The following TMPRSS11D variants were observed in gnomAD, a reference collection of about 807,000 sequenced individuals.
The protein encoded by TMPRSS11D is transmembrane serine protease 11D, also known as transmembrane protease serine 11D.
TMPRSS11D carries 32 observed loss-of-function variants against 44.4 expected under a neutral mutation model. The ratio of observed to expected loss-of-function variants is 0.72; its 90% CI spans 0.54 to 0.97. TMPRSS11D has a LOEUF of 0.97. Among genes scored for constraint, TMPRSS11D ranks in the 50% least tolerant of loss-of-function variants. The probability of loss-of-function intolerance (pLI) is 0.00; values close to 1 mark genes in which losing one functional copy is unlikely to be tolerated. For synonymous variants in TMPRSS11D, 179 were observed against 177.9 expected (o/e 1.01, Z -0.05); for missense variants, 446 against 502.6 (o/e 0.89, Z 1.08).
In TMPRSS11D at chr4:67,829,563, A is replaced by G. The variant is rs372036306; in HGVS notation, c.693-2043T>C. 2.0e-5 allele frequency among the ~76,000 whole-genome samples: 3 copies of G among 152,156 alleles called. No homozygotes were observed. The East Asian group carries it at 5.8e-4, about 29-fold the overall frequency. Reference sequence around the variant, plus strand: ...ATGAATTCTATTAAATCAAAATTAGATATACCATAGACAAGTTTACCAGAT... The same window carrying G: ...ATGAATTCTATTAAATCAAAATTAGGTATACCATAGACAAGTTTACCAGAT... On this transcript the variant is annotated intron_variant, in intron 7 of 9. Coordinates refer to ENST00000283916, the MANE Select transcript of TMPRSS11D (RefSeq NM_004262.3).
chr4:67,831,760 T>C (rs1577805478), intron 7 of TMPRSS11D, among the ~76,000 whole-genome samples: 1 of 152,152 alleles, frequency 6.6e-6, no homozygotes, highest in East Asian at 1.9e-4. Flanking sequence ...TAGTAATAAA[T>C]TTGCCAATCT....
At chr4:67,831,367 T>A (rs1375295197) in intron 7 of TMPRSS11D, among the ~76,000 whole-genome samples, 1 of 151,888 alleles carries the variant, frequency 6.6e-6, no homozygotes, top group Non-Finnish European at 1.5e-5. Context: ...TAGGGAGGGG[T>A]CCAATACAAG....
chr4:67,851,893 G>T (rs149829608), intron 3 of TMPRSS11D, among the ~76,000 whole-genome samples: 1 of 152,060 alleles, frequency 6.6e-6, no homozygotes, highest in Admixed American at 6.6e-5. Context: ...CACTTCTGGC[G>T]CCTGGTGTAT....
intron 3 of TMPRSS11D, among the ~76,000 whole-genome samples, chr4:67,852,813 C>T (rs753910650): frequency 1.3e-5 from 2 of 152,056 alleles, no homozygotes; most frequent in Non-Finnish European, 2.9e-5. Flanking sequence ...AGCATCAACC[C>T]GACCAAATGT....
At chr4:67,838,353 A>G (rs1718152469) in intron 4 of TMPRSS11D, 24 bp from the exon 5 acceptor site, 2 of 1,513,252 alleles carry the variant, frequency 1.3e-6, no homozygotes, top group African/African-American at 1.4e-5. Context: ...AGATATTTTA[A>G]AAAACAAATA....
At chr4:67,877,160 T>A (rs530257850) in intron 1 of TMPRSS11D, among the ~76,000 whole-genome samples, 8 of 151,918 alleles carry the variant, frequency 5.3e-5, no homozygotes, top group South Asian at 2.1e-4. Flanking sequence ...TTAAAAAAAT[T>A]TTTTTTTAAA....
Position 67,833,330 on chromosome 4 carries a change from C to T in TMPRSS11D, c.566G>A (p.Gly189Glu). ...LITLSEQRIL[G>E]GTEAEEGSWP... ...GCTTCCCTCCTCAGCCTCAGTGCCTCCAAGGATTCTCTGCTCAGACAATGT... is the reference window on the plus strand; with the variant it reads ...GCTTCCCTCCTCAGCCTCAGTGCCTTCAAGGATTCTCTGCTCAGACAATGT... Residue 189 changes from glycine (G) to glutamate (E), a missense_variant, in exon 7 of 10, where the codon GGA becomes GAA. Transcript: ENST00000283916. 1 of 1,590,852 alleles carries T rather than the reference C, an allele frequency of 6.3e-7. No homozygotes were observed. The highest frequency in any genetic ancestry group is 8.6e-7 in the Non-Finnish European group (1 of 1,169,118).
intron 1 of TMPRSS11D, among the ~76,000 whole-genome samples, chr4:67,878,177 A>G (rs539404256): frequency 6.6e-6 from 1 of 152,340 alleles, no homozygotes; most frequent in South Asian, 2.1e-4. Context: ...GTTTCTGCTT[A>G]AACAATGCTT....
At chr4:67,875,382 A>G (rs1417938890) in intron 1 of TMPRSS11D, among the ~76,000 whole-genome samples, 1 of 152,170 alleles carries the variant, frequency 6.6e-6, no homozygotes. Flanking sequence ...AAGTTTCTTC[A>G]TCACCTTCAC....
At chr4:67,875,417 T>G (rs1165690607) in intron 1 of TMPRSS11D, among the ~76,000 whole-genome samples, 2 of 152,176 alleles carry the variant, frequency 1.3e-5, no homozygotes, top group Admixed American at 1.3e-4. Flanking sequence ...CCTCCCTTCT[T>G]AACAAGAAGG....
intron 3 of TMPRSS11D, among the ~76,000 whole-genome samples, chr4:67,852,526 G>A (rs1403656642): frequency 6.6e-6 from 1 of 152,160 alleles, no homozygotes; most frequent in Non-Finnish European, 1.5e-5. Context: ...CATCACAGCT[G>A]GAGGACTGAA....
chr4:67,860,676 A>G (rs1718773565), intron 1 of TMPRSS11D, among the ~76,000 whole-genome samples: 1 of 152,180 alleles, frequency 6.6e-6, no homozygotes, highest in South Asian at 2.1e-4. Context: ...ATAAATATTT[A>G]TCGCCTGTGT....
intron 1 of TMPRSS11D, among the ~76,000 whole-genome samples, chr4:67,874,028 A>G (rs964659659): frequency 1.6e-4 from 24 of 152,200 alleles, no homozygotes; most frequent in African/African-American, 4.8e-5. Flanking sequence ...CATATGACTT[A>G]TACACATTTT....
chr4:67,871,279 G>C (rs566032250), intron 1 of TMPRSS11D, among the ~76,000 whole-genome samples: 7 of 152,292 alleles, frequency 4.6e-5, no homozygotes, highest in Non-Finnish European at 7.4e-5. Flanking sequence ...TCAGAGCTGT[G>C]ATACAGCTCT....
intron 1 of TMPRSS11D, among the ~76,000 whole-genome samples, chr4:67,866,613 G>A (rs189232436): frequency 6.6e-6 from 1 of 152,004 alleles, no homozygotes; most frequent in East Asian, 1.9e-4. Context: ...AAGACTCCTA[G>A]ATTTGATAAA....
intron 2 of TMPRSS11D, 28 bp downstream of exon 2, chr4:67,859,529 T>C: frequency 6.2e-7 from 1 of 1,605,562 alleles, no homozygotes; most frequent in South Asian, 1.1e-5. Context: ...CTATTAAATC[T>C]GAAGAGTAAT....
chr4:67,862,284 G>A (rs1251778682), intron 1 of TMPRSS11D, among the ~76,000 whole-genome samples: 1 of 152,068 alleles, frequency 6.6e-6, no homozygotes, highest in Non-Finnish European at 1.5e-5. Context: ...TTAAATATAG[G>A]AAAGGTGAGA....
chr4:67,859,632 C>T lies in TMPRSS11D; in HGVS notation c.55G>A (p.Val19Ile). The T allele has an allele frequency of 1.2e-6, 2 of 1,613,142 alleles. No individual in the cohort carries two copies. Among genetic ancestry groups the T allele is most frequent in the Non-Finnish European group, 1.7e-6 (2 of 1,179,346 alleles). ...STSRFLNPYV[V>I]CFIVVAGVVI... ...ACCCCTGCGACGACAATGAAACATACTACATATGGATTCAGAAATCTTGAA... is the reference window on the plus strand; with the variant it reads ...ACCCCTGCGACGACAATGAAACATATTACATATGGATTCAGAAATCTTGAA... Residue 19 changes from valine to isoleucine, a missense_variant, in exon 2 of 10, where the codon GTA becomes ATA. Transcript: ENST00000283916.
chr4:67,826,025 A>G, intron 8 of TMPRSS11D, 151 bp from the exon 9 acceptor site: 1 of 954,314 alleles, frequency 1.0e-6, no homozygotes, highest in Non-Finnish European at 1.4e-6. Context: ...GTTTCTTCGC[A>G]GCCAAAATTC....
Sources: allele counts gnomAD v4.1 joint callset (sites outside exome capture counted in the v4.1 genomes callset), GRCh38; gene constraint gnomAD v4.1.1; transcripts MANE v1.5; gene names NCBI Gene and HGNC (gene_info 2026-07-23, HGNC 2026-07-21).